DOCK1: variants seen among roughly 807,000 people sequenced by gnomAD.
The protein encoded by DOCK1 is dedicator of cytokinesis 1.
Under a neutral mutation model 262.7 loss-of-function variants are expected in DOCK1, and 138 were observed. That is an observed-to-expected ratio of 0.53 (90% CI 0.46 to 0.61). The LOEUF is 0.61. DOCK1 is among the 20% of genes least tolerant of loss of function. DOCK1 has a pLI of 0.00. For synonymous variants in DOCK1, 866 were observed against 867.4 expected (o/e 1.00, Z 0.03); for missense variants, 1,908 against 2,370.7 (o/e 0.80, Z 4.05).
At chr10:126,980,846 G>A (rs749406541) in intron 3 of DOCK1, among the ~76,000 whole-genome samples, 5 of 151,962 alleles carry the variant, frequency 3.3e-5, no homozygotes, top group Admixed American at 6.6e-5. Context: ...GCTGGGCTGC[G>A]TTGCACTGCC....
intron 46 of DOCK1, among the ~76,000 whole-genome samples, chr10:127,424,965 T>A (rs1264496451): frequency 6.6e-6 from 1 of 152,250 alleles, no homozygotes; most frequent in African/African-American, 2.4e-5. Flanking sequence ...CAAATACATT[T>A]GATGCGTTGA....
chr10:127,027,360 C>T (rs935628315), intron 16 of DOCK1, among the ~76,000 whole-genome samples: 2 of 152,158 alleles, frequency 1.3e-5, no homozygotes, highest in African/African-American at 2.4e-5. Flanking sequence ...TTTGGGAAGC[C>T]AAGGTGGAAG....
intron 1 of DOCK1, among the ~76,000 whole-genome samples, chr10:126,906,376 G>C (rs1374769644): frequency 6.6e-6 from 1 of 152,192 alleles, no homozygotes; most frequent in Non-Finnish European, 1.5e-5. Flanking sequence ...GCGCCCCGGG[G>C]ACCCGCAGCC....
rs1303527653 is a variant in DOCK1, at chr10:127,012,533, G to A, written c.1201+159G>A. Among the ~76,000 whole-genome samples the A allele has an allele frequency of 2.6e-5, 4 of 152,146 alleles. No individual in the cohort carries two copies. The highest frequency in any genetic ancestry group is 9.7e-5 in the African/African-American group (4 of 41,426). Reference sequence around the variant, plus strand: ...GAATGTGTGTGACAGTTGCCCCTGTGTACAGTGCATGATGGTTTTCTTGCC... The same window carrying A: ...GAATGTGTGTGACAGTTGCCCCTGTATACAGTGCATGATGGTTTTCTTGCC... On this transcript the variant is annotated intron_variant, in intron 12 of 51. Coordinates refer to ENST00000623213, the MANE Select transcript of DOCK1 (RefSeq NM_001290223.2). The surrounding 1 kb of genome is among the most constrained non-coding windows in gnomAD (Gnocchi z 4.0).
At chr10:127,306,557 C>G (rs2061884554) in intron 29 of DOCK1, among the ~76,000 whole-genome samples, 1 of 152,164 alleles carries the variant, frequency 6.6e-6, no homozygotes. Context: ...GGTACAGGAG[C>G]TCTCGGGTCG....
intron 32 of DOCK1, among the ~76,000 whole-genome samples, chr10:127,361,405 C>T (rs1222189052): frequency 1.6e-4 from 24 of 152,270 alleles, no homozygotes; most frequent in East Asian, 3.9e-4. Flanking sequence ...TGAGCCACCA[C>T]ACCCGGCCTA....
chr10:127,399,390 G>C (rs2067093920), intron 38 of DOCK1, among the ~76,000 whole-genome samples: 1 of 152,088 alleles, frequency 6.6e-6, no homozygotes, highest in Non-Finnish European at 1.5e-5. Flanking sequence ...ATTCACGTTG[G>C]AAGTATGAAT....
Position 126,990,518 on chromosome 10 carries a change from T to A in DOCK1, c.388T>A (p.Ser130Thr), listed in dbSNP as rs374693322. 8.7e-6 allele frequency: 14 copies of A among 1,613,670 alleles called. No homozygotes were observed. The African/African-American group carries it at 1.5e-4, about 17-fold the overall frequency. Residue 130 changes from serine to threonine, a missense_variant, in exon 6 of 52, where the codon TCA becomes ACA. Physicochemically the swap from Ser to Thr is moderately conservative, Grantham distance 58 (BLOSUM62 1). Around this residue, in one of 9 missense-constraint regions of DOCK1, gnomAD observed 227 missense variants for 254.1 expected, o/e 0.89. Coordinates refer to ENST00000623213, the MANE Select transcript of DOCK1 (RefSeq NM_001290223.2). Reference protein sequence around the residue: ...HMIYDLIEWRSQILSGTLPQD... With the variant: ...HMIYDLIEWRTQILSGTLPQD... The stretch of plus-strand genomic sequence containing the variant: ...GATCTATGACCTTATTGAATGGCGA[T>A]CACAAATTCTTTCTGGAACTCTGCC...
intron 27 of DOCK1, among the ~76,000 whole-genome samples, chr10:127,241,257 TGCAGTGA>T (rs1423613517): frequency 6.6e-6 from 1 of 152,192 alleles, no homozygotes; most frequent in Non-Finnish European, 1.5e-5. Flanking sequence ...AAGCGGAGGT[TGCAGTGA>T]GCTGAGATCG....
chr10:126,977,809 C>T, intron 2 of DOCK1, 139 bp from the exon 3 acceptor site: 1 of 827,828 alleles, frequency 1.2e-6, no homozygotes, highest in South Asian at 1.7e-5. Context: ...TCTCCAAAGC[C>T]TTAGGTTCAC....
At chr10:127,033,172 A>G (rs1393185624) in intron 18 of DOCK1, among the ~76,000 whole-genome samples, 1 of 152,178 alleles carries the variant, frequency 6.6e-6, no homozygotes, top group Non-Finnish European at 1.5e-5. Flanking sequence ...ACTCTCTGAG[A>G]TAATTACTAG....
intron 29 of DOCK1, among the ~76,000 whole-genome samples, chr10:127,315,888 G>A (rs1032088020): frequency 1.3e-5 from 2 of 151,972 alleles, no homozygotes; most frequent in East Asian, 1.9e-4. Flanking sequence ...TAGTAGAGAC[G>A]GGGTTTCACC....
intron 9 of DOCK1, 47 bp from the exon 10 acceptor site, chr10:127,000,125 T>A: frequency 6.2e-7 from 1 of 1,602,902 alleles, no homozygotes; most frequent in East Asian, 2.2e-5. Context: ...GGAGCTTGCA[T>A]TGAATAATGG....
intron 16 of DOCK1, 37 bp downstream of exon 16, chr10:127,026,461 T>C: frequency 6.4e-7 from 1 of 1,553,480 alleles, no homozygotes; most frequent in Non-Finnish European, 8.7e-7. Flanking sequence ...CAAGTATTTT[T>C]AAGGGAGAAC....
In DOCK1 at chr10:127,044,443, T is replaced by C. The variant is rs575347215; in HGVS notation, c.2201+1279T>C. Among the ~76,000 whole-genome samples the C allele has an allele frequency of 2.6e-5, 4 of 152,334 alleles. No homozygotes were observed. The East Asian group carries it at 7.7e-4, about 29-fold the overall frequency. Reference sequence around the variant, plus strand: ...TAATAAACGTTTGTTTAAAACATTTTGTTCGCTGAGTGGAGATGCCCAGTG... The same window carrying C: ...TAATAAACGTTTGTTTAAAACATTTCGTTCGCTGAGTGGAGATGCCCAGTG... On this transcript the variant is annotated intron_variant, in intron 21 of 51. Coordinates refer to ENST00000623213, the MANE Select transcript of DOCK1 (RefSeq NM_001290223.2).
intron 32 of DOCK1, among the ~76,000 whole-genome samples, chr10:127,361,790 G>A (rs573017230): frequency 1.3e-5 from 2 of 152,276 alleles, no homozygotes; most frequent in African/African-American, 4.8e-5. Context: ...ATAAAACAGT[G>A]TTCATCTTCT....
chr10:127,243,808 C>T (rs1273170293), intron 27 of DOCK1, among the ~76,000 whole-genome samples: 1 of 152,044 alleles, frequency 6.6e-6, no homozygotes, highest in Non-Finnish European at 1.5e-5. Flanking sequence ...TCCCTCCTGC[C>T]AGATGGATCC....
rs187603448 is a variant in DOCK1 at position 126,984,654 on chromosome 10, C to T, written c.227+2681C>T. On this transcript the variant is annotated intron_variant, in intron 4 of 51. Transcript: ENST00000623213. ...AAAGTGCTGGGATTACAGATGTGAGCCACCGCACCCGGCCAAAAAATTATT... is the reference window on the plus strand; with the variant it reads ...AAAGTGCTGGGATTACAGATGTGAGTCACCGCACCCGGCCAAAAAATTATT... Among the ~76,000 whole-genome samples, 481 of 152,098 alleles carry T rather than the reference C, an allele frequency of 3.2e-3. 7 individuals are homozygous for T. Among genetic ancestry groups the T allele is most frequent in the African/African-American group, 9.9e-3 (411 of 41,496 alleles).
intron 1 of DOCK1, among the ~76,000 whole-genome samples, chr10:126,961,274 A>C (rs1212766598): frequency 6.6e-6 from 1 of 152,144 alleles, no homozygotes; most frequent in South Asian, 2.1e-4. Context: ...GGTGACTTTG[A>C]AAGTGGTGTC....
Sources: allele counts gnomAD v4.1 joint callset (sites outside exome capture counted in the v4.1 genomes callset), GRCh38; gene constraint gnomAD v4.1.1; regional missense constraint gnomAD v4.1.1; non-coding constraint Gnocchi (gnomAD v3.1); transcripts MANE v1.5; gene names NCBI Gene and HGNC (gene_info 2026-07-23, HGNC 2026-07-21).